TRPM3: variants seen among roughly 807,000 people sequenced by gnomAD.
The protein encoded by TRPM3 is transient receptor potential cation channel subfamily M member 3.
Under a neutral mutation model 181.2 loss-of-function variants are expected in TRPM3, and 77 were observed. That is an observed-to-expected ratio of 0.42 (90% CI 0.35 to 0.51). TRPM3 has a LOEUF of 0.51. TRPM3 is among the 20% of genes least tolerant of loss of function. The probability of loss-of-function intolerance (pLI) is 0.01; values close to 1 mark genes in which losing one functional copy is unlikely to be tolerated. For missense variants in TRPM3, 1,759 were observed against 2,196.7 expected, an observed-to-expected ratio of 0.80 and a Z score of 3.98; for synonymous variants, 745 against 796.4, an observed-to-expected ratio of 0.94 and a Z score of 1.09.
rs939460352 is a variant in TRPM3, at chr9:70,536,105, C to T, written c.5008G>A (p.Asp1670Asn). Residue 1670 changes from aspartate (D) to asparagine (N), a missense_variant, in exon 26 of 26, where the codon GAC becomes AAC. Asp to Asn is a conservative substitution (Grantham distance 23). Coordinates refer to ENST00000677713, the MANE Select transcript of TRPM3 (RefSeq NM_001366145.2). Reference sequence around the variant, plus strand: ...GTGTTCCGCTGCCTGTCGAGTTTGTCACTGATGGAGAAGCTCTTCCTGGTG... The same window carrying T: ...GTGTTCCGCTGCCTGTCGAGTTTGTTACTGATGGAGAAGCTCTTCCTGGTG... ...AHTRKSFSISDKLDRQRNTAS... is the reference protein window; with the variant it reads ...AHTRKSFSISNKLDRQRNTAS... 1.2e-6 allele frequency: 2 copies of T among 1,614,180 alleles called. No individual in the cohort carries two copies. The highest frequency in any genetic ancestry group is 1.7e-5 in the Admixed American group (1 of 60,022).
Position 71,031,685 on chromosome 9 carries a change from T to C in TRPM3, c.177+89493A>G, listed in dbSNP as rs72614629. 3.2e-3 allele frequency among the ~76,000 whole-genome samples: 490 copies of C among 151,896 alleles called. 14 individuals are homozygous for C. The East Asian group carries it at 0.083, about 26-fold the overall frequency. On this transcript the variant is annotated intron_variant, in intron 1 of 25. Coordinates refer to ENST00000677713, the MANE Select transcript of TRPM3 (RefSeq NM_001366145.2). ...CACTTCTGAGATCATGGGAGATTTA[T>C]ACATTCCCTTTTTATATGTAAAAAT... is the stretch of plus-strand genomic sequence containing the variant.
chr9:71,220,382 TATTATTATG>T (rs1373654612), intron 1 of TRPM3, among the ~76,000 whole-genome samples: 1 of 150,544 alleles, frequency 6.6e-6, no homozygotes, highest in Non-Finnish European at 1.5e-5. Flanking sequence ...TTATTATTAT[TATTATTATG>T]ATCTGCTTAC....
At chr9:71,404,531 T>C (rs1260608058) in intron 1 of TRPM3, among the ~76,000 whole-genome samples, 1 of 152,180 alleles carries the variant, frequency 6.6e-6, no homozygotes, top group Non-Finnish European at 1.5e-5. Context: ...CTCTTATCTC[T>C]ATGTCTTATG....
At chr9:71,437,702 T>C (rs946511412) in intron 1 of TRPM3, among the ~76,000 whole-genome samples, 1 of 151,776 alleles carries the variant, frequency 6.6e-6, no homozygotes, top group African/African-American at 2.4e-5. Context: ...ACCCTGTCTC[T>C]ACTAAAAATA....
chr9:71,050,019 TATA>T (rs1270866344), intron 1 of TRPM3, among the ~76,000 whole-genome samples: 3 of 152,244 alleles, frequency 2.0e-5, no homozygotes, highest in African/African-American at 7.2e-5. Flanking sequence ...ACACACATAA[TATA>T]ATAATAACAA....
chr9:70,700,532 A>G (rs2072164222), intron 8 of TRPM3, among the ~76,000 whole-genome samples: 1 of 152,160 alleles, frequency 6.6e-6, no homozygotes, highest in Admixed American at 6.5e-5. Context: ...TAGCAAAAAG[A>G]CTGTGCTCTT....
chr9:71,426,246 C>T (rs2093860501), intron 1 of TRPM3, among the ~76,000 whole-genome samples: 1 of 151,502 alleles, frequency 6.6e-6, no homozygotes, highest in Admixed American at 6.6e-5. Flanking sequence ...AAAATGACAT[C>T]CATACTGGGA....
intron 1 of TRPM3, among the ~76,000 whole-genome samples, chr9:71,142,511 C>T (rs1047194069): frequency 1.3e-5 from 2 of 152,110 alleles, no homozygotes; most frequent in Admixed American, 6.6e-5. Flanking sequence ...CACGTATATA[C>T]ACACATACAT....
At chr9:70,792,975 A>G (rs2085890350) in intron 6 of TRPM3, among the ~76,000 whole-genome samples, 1 of 152,220 alleles carries the variant, frequency 6.6e-6, no homozygotes, top group South Asian at 2.1e-4. Flanking sequence ...ACTAATAAAA[A>G]TGGAATTTTT....
intron 1 of TRPM3, among the ~76,000 whole-genome samples, chr9:71,352,784 T>C (rs1402003812): frequency 1.3e-5 from 2 of 152,170 alleles, no homozygotes; most frequent in Non-Finnish European, 2.9e-5. Context: ...AGCCTTTGTC[T>C]ATCTCAGGCA....
At chr9:70,554,638 TA>T (rs946268463) in intron 22 of TRPM3, among the ~76,000 whole-genome samples, 2 of 152,154 alleles carry the variant, frequency 1.3e-5, no homozygotes, top group African/African-American at 4.8e-5. Context: ...GCATTTCTTT[TA>T]AAACTTTCTA....
intron 1 of TRPM3, among the ~76,000 whole-genome samples, chr9:71,130,450 G>A (rs79735906): frequency 0.013 from 1,914 of 152,204 alleles, 22 homozygotes; most frequent in Non-Finnish European, 0.016. Flanking sequence ...AGGTATCTCT[G>A]TAACCATATA....
chr9:70,900,264 C>T (rs1296373079), intron 1 of TRPM3, among the ~76,000 whole-genome samples: 4 of 151,986 alleles, frequency 2.6e-5, no homozygotes, highest in African/African-American at 9.7e-5. Context: ...TCGCTTGAAC[C>T]CAGGAGGCGG....
chr9:70,877,331 AAGAT>A (rs199622651), intron 1 of TRPM3, among the ~76,000 whole-genome samples: 2,038 of 152,140 alleles, frequency 0.013, 41 homozygotes, highest in African/African-American at 0.047. Flanking sequence ...CCAAATAAAA[AAGAT>A]AGAAGGGTAA....
chr9:70,958,874 G>C (rs890189231), intron 1 of TRPM3, among the ~76,000 whole-genome samples: 2 of 151,646 alleles, frequency 1.3e-5, no homozygotes, highest in African/African-American at 4.8e-5. Flanking sequence ...GGATGAAATT[G>C]GAAATCATTC....
intron 3 of TRPM3, among the ~76,000 whole-genome samples, chr9:70,855,284 G>A (rs1039975459): frequency 6.6e-6 from 1 of 152,192 alleles, no homozygotes; most frequent in African/African-American, 2.4e-5. Context: ...AAACTGCATA[G>A]AACAGACGGG....
intron 1 of TRPM3, among the ~76,000 whole-genome samples, chr9:70,898,516 A>G (rs2096323712): frequency 6.6e-6 from 1 of 150,606 alleles, no homozygotes; most frequent in African/African-American, 2.4e-5. Context: ...TTGGGAGGCC[A>G]AGGCGGGCGG....
intron 22 of TRPM3, among the ~76,000 whole-genome samples, chr9:70,568,181 A>G (rs1439717566): frequency 2.0e-5 from 3 of 152,238 alleles, no homozygotes; most frequent in Non-Finnish European, 4.4e-5. Context: ...CCACAATAGG[A>G]CATTCCAACA....
At chr9:71,421,008 A>AAAGAGAGAAG (rs2093761557) in intron 1 of TRPM3, among the ~76,000 whole-genome samples, 2 of 147,474 alleles carry the variant, frequency 1.4e-5, no homozygotes, top group Admixed American at 1.3e-4. Flanking sequence ...AAAGAGAGAA[A>AAAGAGAGAAG]AAGAGAGAAA....
Sources: allele counts gnomAD v4.1 joint callset (sites outside exome capture counted in the v4.1 genomes callset), GRCh38; gene constraint gnomAD v4.1.1; transcripts MANE v1.5; gene names NCBI Gene and HGNC (gene_info 2026-07-23, HGNC 2026-07-21).